Variants in OR56A3 observed in about 807,000 individuals in gnomAD.
OR56A3 encodes the protein olfactory receptor 56A3.
In OR56A3, 23 loss-of-function variants were observed where a neutral mutation model predicts 17.5. That is an observed-to-expected ratio of 1.32 (90% confidence interval 0.95 to 1.87). The LOEUF is 1.87. Ranked by LOEUF, OR56A3 falls within the 40% of genes most tolerant of loss-of-function variation. OR56A3 has a pLI of 0.00. For missense variants in OR56A3, 366 were observed against 380.1 expected, an observed-to-expected ratio of 0.96 and a Z score of 0.31; for synonymous variants, 175 against 150.6, an observed-to-expected ratio of 1.16 and a Z score of -1.19.
At chr11:5,951,836 G>A (rs1263496675), downstream of OR56A3, among the ~76,000 whole-genome samples, 3 of 151,980 alleles carry the variant, frequency 2.0e-5, no homozygotes, top group African/African-American at 4.8e-5. Flanking sequence ...TATATATTCT[G>A]GTGGGAAATA....
the OR56A3 span, among the ~76,000 whole-genome samples, chr11:5,989,413 G>A: frequency 3.4e-5 from 2 of 58,962 alleles, no homozygotes; most frequent in Non-Finnish European, 8.1e-5. Context: ...AATAAGTAGA[G>A]AAGTAAATAA....
the OR56A3 span, among the ~76,000 whole-genome samples, chr11:5,990,773 G>T: frequency 1.3e-5 from 2 of 152,178 alleles, no homozygotes; most frequent in Non-Finnish European, 2.9e-5. Context: ...AGTAAGCCTG[G>T]CACAGGGCAC....
the OR56A3 span, among the ~76,000 whole-genome samples, chr11:6,009,669 T>G: frequency 6.6e-6 from 1 of 152,168 alleles, no homozygotes; most frequent in Non-Finnish European, 1.5e-5. Flanking sequence ...AATGTACTAT[T>G]TATCCGGCTC....
the OR56A3 span, among the ~76,000 whole-genome samples, chr11:5,983,382 T>C: frequency 6.6e-6 from 1 of 152,078 alleles, no homozygotes; most frequent in South Asian, 2.1e-4. Flanking sequence ...TTTCCAATTA[T>C]TTAACTCTTT....
chr11:6,011,539 T>A, the OR56A3 span, among the ~76,000 whole-genome samples: 1 of 152,132 alleles, frequency 6.6e-6, no homozygotes, highest in Non-Finnish European at 1.5e-5. Context: ...ATTCAATTCA[T>A]CCTGAAAGTA....
the OR56A3 span, chr11:5,986,604 CT>C: frequency 6.2e-7 from 1 of 1,613,968 alleles, no homozygotes; most frequent in South Asian, 1.1e-5. Flanking sequence ...TGTACCCAAT[CT>C]CGTGGGCATG....
chr11:6,015,063 G>A, the OR56A3 span, among the ~76,000 whole-genome samples: 1 of 138,240 alleles, frequency 7.2e-6, no homozygotes, highest in Non-Finnish European at 1.5e-5. Context: ...GAGCATAAAA[G>A]TTTGAAAAAT....
At chr11:5,986,697 G>A in the OR56A3 span, 2 of 1,613,946 alleles carry the variant, frequency 1.2e-6, no homozygotes, top group South Asian at 2.2e-5. Context: ...ACAGGAAGAG[G>A]TACATAGATT....
the OR56A3 span, among the ~76,000 whole-genome samples, chr11:5,996,804 T>C: frequency 3.3e-5 from 5 of 152,370 alleles, no homozygotes; most frequent in African/African-American, 1.2e-4. Context: ...TTATATTCTT[T>C]TTGCTGGGGC....
the OR56A3 span, among the ~76,000 whole-genome samples, chr11:6,004,695 T>C: frequency 6.6e-6 from 1 of 152,170 alleles, no homozygotes; most frequent in South Asian, 2.1e-4. Context: ...CATTTCAATA[T>C]CTGATTAGGA....
downstream of OR56A3, chr11:5,951,458 T>C (rs1227660567): frequency 6.6e-6 from 1 of 152,032 alleles, no homozygotes; most frequent in Admixed American, 6.6e-5. Context: ...TATAGTATAT[T>C]ATAAATATAT....
chr11:5,972,763 G>T, the OR56A3 span, among the ~76,000 whole-genome samples: 1 of 152,122 alleles, frequency 6.6e-6, no homozygotes, highest in Non-Finnish European at 1.5e-5. Flanking sequence ...CGAGTAGGTG[G>T]GATTACAGGC....
At chr11:5,974,600 G>A in the OR56A3 span, among the ~76,000 whole-genome samples, 1 of 152,226 alleles carries the variant, frequency 6.6e-6, no homozygotes, top group African/African-American at 2.4e-5. Flanking sequence ...AACATTAAAT[G>A]TAGCATGGAA....
the OR56A3 span, chr11:5,967,833 T>C: frequency 2.6e-6 from 4 of 1,565,030 alleles, no homozygotes; most frequent in Non-Finnish European, 2.6e-6. Context: ...GATAAAAAAG[T>C]AAGAGAGAAC....
At chr11:5,978,906 T>C in the OR56A3 span, among the ~76,000 whole-genome samples, 1 of 152,160 alleles carries the variant, frequency 6.6e-6, no homozygotes, top group Admixed American at 6.5e-5. Context: ...GCCTAGTTTG[T>C]TGCAGGTTTT....
chr11:6,003,626 G>C, the OR56A3 span, among the ~76,000 whole-genome samples: 1 of 152,104 alleles, frequency 6.6e-6, no homozygotes, highest in Admixed American at 6.5e-5. Flanking sequence ...GGAAACTAGA[G>C]TACCTAGAAA....
At chr11:5,960,000 T>G in the OR56A3 span, among the ~76,000 whole-genome samples, 89 of 152,316 alleles carry the variant, frequency 5.8e-4, 1 homozygote, top group African/African-American at 2.1e-3. Flanking sequence ...ATTTCTGAGC[T>G]CCCTATTCTG....
At chr11:5,944,595 A>T (rs949372488) in intron 1 of OR56A3, among the ~76,000 whole-genome samples, 2 of 152,242 alleles carry the variant, frequency 1.3e-5, no homozygotes, top group African/African-American at 4.8e-5. Context: ...TGAATTATTT[A>T]GACCTTTATT....
chr11:5,985,855 T>C, the OR56A3 span: 10 of 1,284,836 alleles, frequency 7.8e-6, no homozygotes, highest in African/African-American at 1.5e-5. Flanking sequence ...AAATGGTCTG[T>C]ATTCATGTAA....
Sources: gnomAD v4.1 joint callset for allele counts (sites outside exome capture counted in the v4.1 genomes callset) on GRCh38, gnomAD v4.1.1 for gene constraint, MANE v1.5 for transcripts, NCBI Gene and HGNC (gene_info 2026-07-23, HGNC 2026-07-21) for gene names.